TM9SF2: variants seen among roughly 807,000 people sequenced by gnomAD.
The protein encoded by TM9SF2 is 76 kDa membrane protein.
TM9SF2 carries 13 observed loss-of-function variants against 84.9 expected under a neutral mutation model. The observed-to-expected ratio is 0.15, with a 90% confidence interval of 0.10 to 0.24. TM9SF2 has a LOEUF of 0.24. TM9SF2 is among the 10% of genes least tolerant of loss of function. The probability of loss-of-function intolerance (pLI) is 1.00; values close to 1 mark genes in which losing one functional copy is unlikely to be tolerated. For missense variants in TM9SF2, 562 were observed against 818.5 expected, an observed-to-expected ratio of 0.69 and a Z score of 3.82; for synonymous variants, 273 against 285.8, an observed-to-expected ratio of 0.96 and a Z score of 0.45.
chr13:99,502,184 TC>T (rs2046069442), intron 1 of TM9SF2, among the ~76,000 whole-genome samples: 1 of 152,220 alleles, frequency 6.6e-6, no homozygotes, highest in Admixed American at 6.5e-5. Context: ...GGTGACCGAC[TC>T]CCTACATGTG....
chr13:99,502,523 T>C (rs377714647), intron 1 of TM9SF2, among the ~76,000 whole-genome samples: 5 of 152,224 alleles, frequency 3.3e-5, no homozygotes, highest in African/African-American at 1.2e-4. Flanking sequence ...GGGCAAATGG[T>C]GGGAGAAACT....
chr13:99,541,779 C>A (rs2046260660), intron 9 of TM9SF2, 112 bp downstream of exon 9: 4 of 574,002 alleles, frequency 7.0e-6, no homozygotes, highest in South Asian at 2.9e-5. Context: ...CTTCAAAAAA[C>A]AAAAACAAAA....
At chr13:99,550,097 C>T (rs2046299686) in intron 12 of TM9SF2, among the ~76,000 whole-genome samples, 1 of 152,214 alleles carries the variant, frequency 6.6e-6, no homozygotes. Flanking sequence ...ATCTCCGAAT[C>T]TTGCTTTTCA....
intron 1 of TM9SF2, among the ~76,000 whole-genome samples, chr13:99,513,004 T>C (rs974059968): frequency 6.6e-6 from 1 of 152,224 alleles, no homozygotes; most frequent in African/African-American, 2.4e-5. Context: ...CTTCAAGTTA[T>C]ATGAGACAGC....
At chr13:99,515,890 A>G (rs6491509) in intron 1 of TM9SF2, among the ~76,000 whole-genome samples, 112,246 of 151,786 alleles carry the variant, frequency 0.74, 42,363 homozygotes, top group Middle Eastern at 0.82. Flanking sequence ...GTGCCAATAC[A>G]CCCGGCTAAT....
intron 7 of TM9SF2, 137 bp downstream of exon 7, chr13:99,539,694 G>C (rs2046250116): frequency 1.1e-5 from 7 of 634,226 alleles, no homozygotes; most frequent in South Asian, 9.7e-5. Context: ...TAGTTTGTCG[G>C]TGTACCAAGC....
chr13:99,504,038 T>C (rs1022650439), intron 1 of TM9SF2, among the ~76,000 whole-genome samples: 1 of 152,250 alleles, frequency 6.6e-6, no homozygotes, highest in Non-Finnish European at 1.5e-5. Context: ...TTCAGCTTTT[T>C]TCCTGCGATA....
rs1003805488 is a variant in TM9SF2, at chr13:99,539,014, G to A, written c.717-432G>A. ...AGCCCAGGAGTTCAAGACCAGCCTG[G>A]GCAACATAGCAAGACCTTGTTTCTA... On this transcript the variant is annotated intron_variant, in intron 6 of 16. Coordinates refer to ENST00000376387, the MANE Select transcript of TM9SF2 (RefSeq NM_004800.3). Among the ~76,000 whole-genome samples the A allele has an allele frequency of 3.3e-5, 5 of 151,806 alleles. No individual in the cohort carries two copies. In the East Asian group the frequency reaches 9.7e-4, roughly 29 times the overall value.
chr13:99,540,871 A>G (rs2046256175), intron 8 of TM9SF2, 78 bp downstream of exon 8: 1 of 1,270,292 alleles, frequency 7.9e-7, no homozygotes, highest in Non-Finnish European at 1.1e-6. Context: ...TTTACTCTCA[A>G]ATCCTCTCTA....
intron 4 of TM9SF2, among the ~76,000 whole-genome samples, chr13:99,532,252 G>A (rs1015067895): frequency 7.7e-4 from 117 of 151,622 alleles, no homozygotes; most frequent in African/African-American, 2.8e-3. Flanking sequence ...GGGTTTCACT[G>A]TGTTAGCCAG....
chr13:99,531,712 T>C (rs1323325263), intron 4 of TM9SF2, among the ~76,000 whole-genome samples: 1 of 152,212 alleles, frequency 6.6e-6, no homozygotes, highest in Non-Finnish European at 1.5e-5. Context: ...TCAGCTTCTT[T>C]GTCATCTGAC....
At chr13:99,533,882 G>C (rs1269136160) in intron 4 of TM9SF2, among the ~76,000 whole-genome samples, 1 of 152,154 alleles carries the variant, frequency 6.6e-6, no homozygotes, top group Non-Finnish European at 1.5e-5. Context: ...TGTTGGCCAG[G>C]CTGCTCTCGA....
chr13:99,520,610 C>T (rs1371053867), intron 3 of TM9SF2, among the ~76,000 whole-genome samples: 1 of 152,178 alleles, frequency 6.6e-6, no homozygotes, highest in Non-Finnish European at 1.5e-5. Context: ...GCTCTGTCGC[C>T]CAGGCTGCAG....
chr13:99,555,539 A>G lies in TM9SF2; in HGVS notation c.1644A>G (p.Ser548=), dbSNP rs375482557. ...QLFFILNSIW[S]HQMYYMFGFL... ...TTCTTGACGTGTTTGATTATAGGTC[A>G]CACCAGATGTATTACATGTTTGGCT... The change falls in exon 15 of 17, where the codon TCA becomes TCG. Residue 548 remains serine, a synonymous_variant. Coordinates refer to ENST00000376387, the MANE Select transcript of TM9SF2 (RefSeq NM_004800.3). 1.9e-5 allele frequency: 30 copies of G among 1,611,066 alleles called. No homozygotes were observed. In the African/African-American group the frequency reaches 2.8e-4, roughly 15 times the overall value.
chr13:99,531,259 T>C (rs1161192220), intron 4 of TM9SF2, among the ~76,000 whole-genome samples: 2 of 152,182 alleles, frequency 1.3e-5, no homozygotes, highest in African/African-American at 2.4e-5. Context: ...CTATATTCTG[T>C]GGGGATCATA....
intron 10 of TM9SF2, among the ~76,000 whole-genome samples, chr13:99,546,467 A>G (rs2046283048): frequency 6.6e-6 from 1 of 152,110 alleles, no homozygotes; most frequent in Non-Finnish European, 1.5e-5. Flanking sequence ...TCCTTCCGTA[A>G]TTTGTGAAAA....
At chr13:99,507,648 G>A (rs1465417296) in intron 1 of TM9SF2, among the ~76,000 whole-genome samples, 1 of 152,174 alleles carries the variant, frequency 6.6e-6, no homozygotes, top group East Asian at 1.9e-4. Context: ...TTGCTTTTGA[G>A]ACTTTTATTG....
At chr13:99,525,724 T>C (rs2046180146) in intron 3 of TM9SF2, among the ~76,000 whole-genome samples, 1 of 151,912 alleles carries the variant, frequency 6.6e-6, no homozygotes, top group African/African-American at 2.4e-5. Context: ...CCCAGCTTAT[T>C]TTTTGTATTT....
In TM9SF2 at chr13:99,536,686, T is replaced by C. The variant is rs1390740784; in HGVS notation, c.540T>C (p.Ile180=). The C allele has an allele frequency of 6.2e-7, 1 of 1,613,714 alleles. No individual in the cohort carries two copies. The highest frequency in any genetic ancestry group is 8.5e-7 in the Non-Finnish European group (1 of 1,179,798). The part of the protein sequence containing the change: ...GQRFCNPGFP[I]GCYITDKGHA... ...GGTTCTGTAATCCTGGATTTCCTAT[T>C]GGCTGTTACATTACAGATAAAGGCC... The change falls in exon 5 of 17, where the codon ATT becomes ATC. Residue 180 remains isoleucine, a synonymous_variant. Coordinates refer to ENST00000376387, the MANE Select transcript of TM9SF2 (RefSeq NM_004800.3).
Sources: gnomAD v4.1 joint callset for allele counts (sites outside exome capture counted in the v4.1 genomes callset) on GRCh38, gnomAD v4.1.1 for gene constraint, MANE v1.5 for transcripts, NCBI Gene and HGNC (gene_info 2026-07-23, HGNC 2026-07-21) for gene names.